Variants in UBE2W observed in about 807,000 individuals in gnomAD.
UBE2W encodes ubiquitin-conjugating enzyme E2 W.
Under a neutral mutation model 27.2 loss-of-function variants are expected in UBE2W, and 18 were observed. The ratio of observed to expected loss-of-function variants is 0.66; its 90% CI spans 0.46 to 0.98. The LOEUF is 0.98. Ranked by LOEUF, UBE2W falls within the 50% of genes least tolerant of loss-of-function variation. UBE2W has a pLI of 0.00. For missense variants in UBE2W, 90 were observed against 180.2 expected (o/e 0.50, Z 2.87); for synonymous variants, 53 against 57.2 (o/e 0.93, Z 0.33).
Position 73,825,221 on chromosome 8 carries a change from C to T in UBE2W, c.136G>A (p.Gly46Ser). 6 of 1,562,204 alleles carry T rather than the reference C, an allele frequency of 3.8e-6. No homozygotes were observed. The highest frequency in any genetic ancestry group is 5.2e-6 in the Non-Finnish European group (6 of 1,151,914). The change falls in exon 3 of 6, where the codon GGT (glycine) becomes AGT (serine). Residue 46 changes from glycine (G) to serine (S), a missense_variant. Physicochemically the swap from Gly to Ser is moderately conservative, Grantham distance 56. Transcript: ENST00000602593. ...QWIVDMEGAP[G>S]TLYEGEKFQL... ...AATTTTTCCCCTTCATATAAGGTAC[C>T]TGGTGCACCTTCCATGTCTACAATC...
At chr8:73,803,301 T>G (rs924694771) in intron 5 of UBE2W, among the ~76,000 whole-genome samples, 3 of 152,204 alleles carry the variant, frequency 2.0e-5, no homozygotes, top group African/African-American at 7.2e-5. Flanking sequence ...CTCCAAAGGA[T>G]TACAGATTTT....
chr8:73,855,394 CT>C (rs66577299), intron 1 of UBE2W, among the ~76,000 whole-genome samples: 7,542 of 84,966 alleles, frequency 0.089, 59 homozygotes, highest in African/African-American at 0.15. Context: ...ATTCTACTTT[CT>C]TTTTTTTTTT....
At chr8:73,870,216 ATT>A in intron 1 of UBE2W, 1 of 1,545,866 alleles carries the variant, frequency 6.5e-7, no homozygotes. Context: ...TCACAATTTT[ATT>A]TGACTAATTC....
chr8:73,793,860 T>G lies in UBE2W; in HGVS notation c.*242A>C. On this transcript the variant is annotated 3_prime_UTR_variant, in exon 6 of 6. Coordinates refer to ENST00000602593, the MANE Select transcript of UBE2W (RefSeq NM_018299.6). ...AATAAAAATAAAAAATGGAATTATATTTGACATTTCCTGACACCTGCATTA... is the reference window on the plus strand; with the variant it reads ...AATAAAAATAAAAAATGGAATTATAGTTGACATTTCCTGACACCTGCATTA... 1 of 1,243,652 alleles carries G rather than the reference T, an allele frequency of 8.0e-7. No homozygotes were observed. Among genetic ancestry groups the G allele is most frequent in the Non-Finnish European group, 1.0e-6 (1 of 986,654 alleles). The allele number at this position is 1,243,652 out of a possible 1,614,324, so 77.0% of individuals were successfully genotyped here. A position where few individuals can be genotyped will look rare whatever the true frequency, so the allele number is the denominator to read the frequency against.
At chr8:73,824,284 C>A (rs1809738333) in intron 3 of UBE2W, among the ~76,000 whole-genome samples, 1 of 152,166 alleles carries the variant, frequency 6.6e-6, no homozygotes. Context: ...CCACCATTAT[C>A]CCTTGTCTAA....
intron 1 of UBE2W, among the ~76,000 whole-genome samples, chr8:73,857,439 G>T (rs564628492): frequency 3.2e-5 from 4 of 125,076 alleles, no homozygotes; most frequent in African/African-American, 1.0e-4. Context: ...ATATAATAAT[G>T]TATTATAAAA....
rs1808143057 is a variant in UBE2W at position 73,790,444 on chromosome 8, C to T, written c.*3658G>A. 1.0e-6 allele frequency: 1 copy of T among 985,118 alleles called. No homozygotes were observed. Among genetic ancestry groups the T allele is most frequent in the South Asian group, 4.7e-5 (1 of 21,282 alleles). 61.0% of individuals were successfully genotyped at this position (985,118 alleles called of 1,614,324 possible). ...ATAGTAGCTGATTCTGATAATGAAT[C>T]CTCAGAAAAGAAGAATATGGTTAAG... On this transcript the variant is annotated 3_prime_UTR_variant, in exon 6 of 6. Coordinates refer to ENST00000602593, the MANE Select transcript of UBE2W (RefSeq NM_018299.6).
At chr8:73,833,980 C>T (rs1810203131) in intron 1 of UBE2W, 2 of 152,150 alleles carry the variant, frequency 1.3e-5, no homozygotes, top group African/African-American at 4.8e-5. Flanking sequence ...TGCATGACAG[C>T]CCAGAACTCC....
chr8:73,824,707 C>T (rs1446846132), intron 3 of UBE2W, among the ~76,000 whole-genome samples: 1 of 152,168 alleles, frequency 6.6e-6, no homozygotes, highest in Non-Finnish European at 1.5e-5. Context: ...ATCTAGATCC[C>T]TCACATGTGC....
chr8:73,814,636 A>G (rs1809311984), intron 3 of UBE2W, among the ~76,000 whole-genome samples: 1 of 152,058 alleles, frequency 6.6e-6, no homozygotes, highest in Admixed American at 6.6e-5. Context: ...CTCCTGCCTC[A>G]GCCTCCCAAG....
chr8:73,848,116 G>A (rs997098643), intron 1 of UBE2W, among the ~76,000 whole-genome samples: 2 of 152,102 alleles, frequency 1.3e-5, no homozygotes, highest in African/African-American at 4.8e-5. Context: ...CAAGAGAATC[G>A]CTTGAACCCG....
chr8:73,793,131 A>C lies in UBE2W; in HGVS notation c.*971T>G. The C allele has an allele frequency of 3.0e-6, 3 of 985,866 alleles. No individual in the cohort carries two copies. Among genetic ancestry groups the C allele is most frequent in the South Asian group, 9.4e-5 (2 of 21,290 alleles). 61.1% of individuals were successfully genotyped at this position (985,866 alleles called of 1,614,324 possible). On this transcript the variant is annotated 3_prime_UTR_variant, in exon 6 of 6. Transcript: ENST00000602593. The stretch of plus-strand genomic sequence containing the variant: ...TAACAAAAGAAACAAGATTGCAAAC[A>C]AAAATGTTTACGGGGTTTCCAAACA...
intron 1 of UBE2W, among the ~76,000 whole-genome samples, chr8:73,871,056 T>C (rs1279385754): frequency 2.0e-5 from 3 of 152,184 alleles, no homozygotes; most frequent in East Asian, 1.9e-4. Context: ...ACATGACTTT[T>C]GTTTAGAAAG....
chr8:73,823,345 C>T (rs1195547974), intron 3 of UBE2W, among the ~76,000 whole-genome samples: 2 of 152,180 alleles, frequency 1.3e-5, no homozygotes, highest in African/African-American at 2.4e-5. Context: ...TTAGAGAACA[C>T]ATTTTTGACT....
chr8:73,855,121 G>A (rs78890992), intron 1 of UBE2W, among the ~76,000 whole-genome samples: 2 of 152,208 alleles, frequency 1.3e-5, no homozygotes, highest in East Asian at 1.9e-4. Context: ...AGTACTTCCA[G>A]CATCACTGGT....
At position 73,791,747 on chromosome 8, in the gene UBE2W, T is replaced by C; in HGVS notation, c.*2355A>G. 7.7e-6 allele frequency: 6 copies of C among 778,350 alleles called. No homozygotes were observed. In the South Asian group the frequency reaches 1.7e-4, roughly 22 times the overall value. 48.2% of individuals were successfully genotyped at this position (778,350 alleles called of 1,614,324 possible). A position where few individuals can be genotyped will look rare whatever the true frequency, so the allele number is the denominator to read the frequency against. On this transcript the variant is annotated 3_prime_UTR_variant, in exon 6 of 6. Transcript: ENST00000602593. Reference sequence around the variant, plus strand: ...TATGAATTTTAAATGTCTGTGCTCCTATATTTTAGGATATTTCATCTTATT... The same window carrying C: ...TATGAATTTTAAATGTCTGTGCTCCCATATTTTAGGATATTTCATCTTATT...
chr8:73,844,411 G>A (rs113277232), intron 1 of UBE2W, among the ~76,000 whole-genome samples: 4,753 of 152,292 alleles, frequency 0.031, 229 homozygotes, highest in African/African-American at 0.1. Context: ...GGCCTCCCGA[G>A]GTGCCGGGAT....
In UBE2W at chr8:73,793,997, C is replaced by CTA; in HGVS notation, c.*103_*104dup. On this transcript the variant is annotated 3_prime_UTR_variant, in exon 6 of 6. Transcript: ENST00000602593. The stretch of plus-strand genomic sequence containing the variant: ...AGTAAAAGGAAGTAGTCTTCATTGC[C>CTA]TATAGGTCACTTCCAGTCAAAGGTT... The CTA allele has an allele frequency of 6.4e-7, 1 of 1,566,290 alleles. No individual in the cohort carries two copies.
intron 1 of UBE2W, among the ~76,000 whole-genome samples, chr8:73,853,089 TATAA>T (rs1811144527): frequency 6.6e-6 from 1 of 152,130 alleles, no homozygotes; most frequent in South Asian, 2.1e-4. Context: ...GATTAGTGCC[TATAA>T]GAAGGCAGAG....
Sources: allele counts gnomAD v4.1 joint callset (sites outside exome capture counted in the v4.1 genomes callset), GRCh38; gene constraint gnomAD v4.1.1; transcripts MANE v1.5; gene names NCBI Gene and HGNC (gene_info 2026-07-23, HGNC 2026-07-21).